NR2F1-AS1: variants seen among roughly 807,000 people sequenced by gnomAD.
The protein encoded by NR2F1-AS1 is NR2F1 antisense RNA 1.
At chr5:93,411,409 G>C (rs1275081495) in intron 4 of NR2F1-AS1, 1 of 152,204 alleles carries the variant, frequency 6.6e-6, no homozygotes, top group African/African-American at 2.4e-5. Context: ...TGAAGGTAAC[G>C]AGATGGTTCT....
chr5:93,508,787 C>T (rs1035990208), intron 4 of NR2F1-AS1, among the ~76,000 whole-genome samples: 6 of 151,884 alleles, frequency 4.0e-5, no homozygotes, highest in African/African-American at 9.7e-5. Context: ...AATAAACATA[C>T]GAAAGGTTGT....
At chr5:93,420,768 A>T (rs533167162) in intron 4 of NR2F1-AS1, among the ~76,000 whole-genome samples, 1 of 152,324 alleles carries the variant, frequency 6.6e-6, no homozygotes, top group South Asian at 2.1e-4. Context: ...CCAATTCTGT[A>T]AAAAGAAGGA....
chr5:93,440,222 A>T (rs923994878), intron 4 of NR2F1-AS1, among the ~76,000 whole-genome samples: 8 of 150,182 alleles, frequency 5.3e-5, no homozygotes, highest in Admixed American at 3.3e-4. Flanking sequence ...TCTCTCTCAC[A>T]CACACACACA....
chr5:93,532,411 G>GA (rs888500780), intron 4 of NR2F1-AS1, among the ~76,000 whole-genome samples: 3 of 152,016 alleles, frequency 2.0e-5, no homozygotes, highest in African/African-American at 7.2e-5. Context: ...GAGAGAGAGA[G>GA]AAAGAGAGGG....
chr5:93,429,751 T>G (rs200777447), intron 4 of NR2F1-AS1, among the ~76,000 whole-genome samples: 1 of 152,214 alleles, frequency 6.6e-6, no homozygotes, highest in East Asian at 1.9e-4. Context: ...AAAGAATTGA[T>G]GGAATATCTT....
chr5:93,510,361 T>A (rs1751270033), intron 4 of NR2F1-AS1, among the ~76,000 whole-genome samples: 1 of 152,170 alleles, frequency 6.6e-6, no homozygotes, highest in Admixed American at 6.5e-5. Flanking sequence ...TTTAGGATAA[T>A]CATTCCTTTG....
chr5:93,529,405 A>G (rs1751688204), intron 4 of NR2F1-AS1, among the ~76,000 whole-genome samples: 1 of 152,170 alleles, frequency 6.6e-6, no homozygotes, highest in Non-Finnish European at 1.5e-5. Context: ...CTTGGATTAC[A>G]GACATAGTGA....
chr5:93,440,686 A>G, intron 4 of NR2F1-AS1, among the ~76,000 whole-genome samples: 1 of 152,134 alleles, frequency 6.6e-6, no homozygotes, highest in East Asian at 1.9e-4. Context: ...AGATATCTAC[A>G]TCTTATTGGT....
At chr5:93,557,468 C>T (rs772806461) in intron 2 of NR2F1-AS1, among the ~76,000 whole-genome samples, 1 of 152,076 alleles carries the variant, frequency 6.6e-6, no homozygotes, top group African/African-American at 2.4e-5. Context: ...ATTTTGTTTC[C>T]CAGTGCACAT....
chr5:93,565,951 T>C lies in NR2F1-AS1; in HGVS notation n.314-2488A>G, dbSNP rs1311798833. 2.6e-5 allele frequency among the ~76,000 whole-genome samples: 4 copies of C among 151,940 alleles called. No individual in the cohort carries two copies. In the South Asian group the frequency reaches 6.2e-4, roughly 24 times the overall value. On this transcript the variant is annotated intron_variant and non_coding_transcript_variant, in intron 1 of 5. Transcript: ENST00000660523. Reference sequence around the variant, plus strand: ...AGCATGATAAACCCATTTAAGACTATTGAGAGACATACTTAACAATCTGTA... The same window carrying C: ...AGCATGATAAACCCATTTAAGACTACTGAGAGACATACTTAACAATCTGTA...
intron 4 of NR2F1-AS1, among the ~76,000 whole-genome samples, chr5:93,527,972 G>A (rs1751657238): frequency 6.6e-6 from 1 of 152,172 alleles, no homozygotes; most frequent in South Asian, 2.1e-4. Flanking sequence ...AAAAGCAATG[G>A]CAACAAAAGC....
chr5:93,443,553 A>C (rs1162387593), intron 4 of NR2F1-AS1, among the ~76,000 whole-genome samples: 1 of 152,224 alleles, frequency 6.6e-6, no homozygotes, highest in Non-Finnish European at 1.5e-5. Context: ...GACTATATGA[A>C]AAGACCAAAT....
At chr5:93,478,224 A>G (rs1013674334) in intron 4 of NR2F1-AS1, among the ~76,000 whole-genome samples, 1 of 152,190 alleles carries the variant, frequency 6.6e-6, no homozygotes, top group Non-Finnish European at 1.5e-5. Context: ...TATGTCAGCA[A>G]TAAGAGAAAA....
intron 4 of NR2F1-AS1, among the ~76,000 whole-genome samples, chr5:93,535,410 C>T (rs1751818865): frequency 6.6e-6 from 1 of 151,120 alleles, no homozygotes; most frequent in African/African-American, 2.4e-5. Flanking sequence ...TAGAGATTTC[C>T]TTCTACAATA....
intron 1 of NR2F1-AS1, among the ~76,000 whole-genome samples, chr5:93,565,658 T>C (rs2149923219): frequency 6.6e-6 from 1 of 152,104 alleles, no homozygotes; most frequent in East Asian, 1.9e-4. Flanking sequence ...TCTTTTTTTA[T>C]GTAATCACCA....
chr5:93,510,209 T>C (rs1293655687), intron 4 of NR2F1-AS1, among the ~76,000 whole-genome samples: 2 of 152,098 alleles, frequency 1.3e-5, no homozygotes, highest in Non-Finnish European at 2.9e-5. Context: ...CAGTTTATAT[T>C]AACTTTGTGT....
intron 4 of NR2F1-AS1, among the ~76,000 whole-genome samples, chr5:93,547,667 G>A (rs902770022): frequency 6.6e-6 from 1 of 152,054 alleles, no homozygotes; most frequent in African/African-American, 2.4e-5. Flanking sequence ...ATATGCCTAA[G>A]CAAGAGAAAT....
intron 4 of NR2F1-AS1, among the ~76,000 whole-genome samples, chr5:93,520,243 C>A (rs1751475731): frequency 6.6e-6 from 1 of 151,960 alleles, no homozygotes; most frequent in African/African-American, 2.4e-5. Flanking sequence ...ACTTTTGCAT[C>A]TTTGAAGCCT....
At chr5:93,443,420 G>C (rs938172254) in intron 4 of NR2F1-AS1, among the ~76,000 whole-genome samples, 1 of 152,132 alleles carries the variant, frequency 6.6e-6, no homozygotes, top group Non-Finnish European at 1.5e-5. Context: ...TTCTGTAGCC[G>C]ATTCGTTCAA....
Sources: gnomAD v4.1 joint callset for allele counts (sites outside exome capture counted in the v4.1 genomes callset) on GRCh38, gnomAD v4.1.1 for gene constraint, MANE v1.5 for transcripts, NCBI Gene and HGNC (gene_info 2026-07-23, HGNC 2026-07-21) for gene names.